C17orf99: variants seen among roughly 807,000 people sequenced by gnomAD.
C17orf99 encodes protein IL-40.
Under a neutral mutation model 22.6 loss-of-function variants are expected in C17orf99, and 18 were observed. The observed-to-expected ratio is 0.80, with a 90% CI of 0.55 to 1.18. The LOEUF (loss-of-function observed/expected upper bound fraction) is 1.18, where lower values mean the gene tolerates loss of function less well. Ranked by LOEUF, C17orf99 falls within the 50% of genes most tolerant of loss-of-function variation. C17orf99 has a pLI of 0.00. For missense variants in C17orf99, 328 were observed against 342.7 expected (o/e 0.96, Z 0.34); for synonymous variants, 147 against 136.6 (o/e 1.08, Z -0.53).
intron 2 of C17orf99, 125 bp from the exon 3 acceptor site, chr17:78,160,830 A>G (rs1486793074): frequency 2.8e-6 from 2 of 725,256 alleles, no homozygotes; most frequent in South Asian, 3.7e-5. Flanking sequence ...TGATCCGTCC[A>G]CCTGGACCTC....
chr17:78,151,273 C>G (rs111446859), intron 2 of C17orf99, among the ~76,000 whole-genome samples: 1 of 151,044 alleles, frequency 6.6e-6, no homozygotes, highest in South Asian at 2.1e-4. Context: ...AAAAATGCAA[C>G]AATCAGCCAG....
In C17orf99 at chr17:78,164,412, C is replaced by T. The variant is rs543919892; in HGVS notation, c.640+48C>T. 2.6e-5 allele frequency: 40 copies of T among 1,550,812 alleles called. No individual in the cohort carries two copies. The South Asian group carries it at 3.9e-4, about 15-fold the overall frequency. ...AGAGGGGCAGCTGGCGCTTCTGTGC[C>T]GGGAGGGTGCTAGTGTCCAAGACAC... On this transcript the variant is annotated intron_variant, in intron 4 of 4. Transcript: ENST00000340363.
chr17:78,146,725 C>T lies in C17orf99; in HGVS notation c.38-154C>T, dbSNP rs1251859272. 2.7e-6 allele frequency: 2 copies of T among 746,526 alleles called. No individual in the cohort carries two copies. The allele number at this position is 746,526 out of a possible 1,614,324, so 46.2% of individuals were successfully genotyped here. ...TTGTGGGGGGAGGGGCGCAAAAGAGCTTTTGTGAGTGATGGTGCCAGCTGA... is the reference window on the plus strand; with the variant it reads ...TTGTGGGGGGAGGGGCGCAAAAGAGTTTTTGTGAGTGATGGTGCCAGCTGA... On this transcript the variant is annotated intron_variant, in intron 1 of 4. Transcript: ENST00000340363. The surrounding 1 kb of genome is among the most constrained non-coding windows in gnomAD (Gnocchi z 5.2).
chr17:78,157,270 C>A (rs2075533279), intron 2 of C17orf99: 3 of 313,680 alleles, frequency 9.6e-6, no homozygotes, highest in Non-Finnish European at 1.8e-5. Context: ...TCAAGAGCAG[C>A]CTGGCCAACA....
At chr17:78,147,020 G>C in intron 2 of C17orf99, 109 bp downstream of exon 2, 1 of 925,750 alleles carries the variant, frequency 1.1e-6, no homozygotes, top group Non-Finnish European at 1.7e-6. Context: ...TAGTGGGGAG[G>C]TGTGTGCTGG....
At chr17:78,158,957 T>C in intron 2 of C17orf99, 1 of 163,706 alleles carries the variant, frequency 6.1e-6, no homozygotes. Flanking sequence ...GTCCCCTGCC[T>C]GTGTCTCTCC....
chr17:78,153,479 C>T (rs1382796958), intron 2 of C17orf99, among the ~76,000 whole-genome samples: 2 of 139,948 alleles, frequency 1.4e-5, no homozygotes, highest in South Asian at 4.5e-4. Flanking sequence ...AGCAAGACTC[C>T]GTCTCAAAAA....
intron 2 of C17orf99, among the ~76,000 whole-genome samples, chr17:78,149,457 A>G (rs2075462074): frequency 6.6e-6 from 1 of 151,946 alleles, no homozygotes; most frequent in African/African-American, 2.4e-5. Context: ...GTGGGAGTGG[A>G]AAGCTGGGTA....
intron 2 of C17orf99, among the ~76,000 whole-genome samples, chr17:78,153,036 G>C (rs1443033458): frequency 6.6e-6 from 1 of 151,900 alleles, no homozygotes; most frequent in African/African-American, 2.4e-5. Flanking sequence ...AATTGAGATC[G>C]TGCCGCTGCA....
intron 3 of C17orf99, among the ~76,000 whole-genome samples, chr17:78,162,060 G>C (rs2075582128): frequency 6.6e-6 from 1 of 151,968 alleles, no homozygotes; most frequent in Admixed American, 6.6e-5. Context: ...AGGATCACTT[G>C]AGCTCAGGAG....
chr17:78,164,713 G>A, intron 4 of C17orf99: 8 of 1,356,988 alleles, frequency 5.9e-6, no homozygotes, highest in Non-Finnish European at 7.7e-6. Context: ...CTGATGGCCT[G>A]AGAGGTCCAA....
intron 2 of C17orf99, among the ~76,000 whole-genome samples, chr17:78,159,436 C>G (rs929654725): frequency 6.6e-6 from 1 of 152,066 alleles, no homozygotes; most frequent in African/African-American, 2.4e-5. Context: ...GTCTCGAGTT[C>G]AAGACCAGTC....
chr17:78,160,531 A>G (rs1201781518), intron 2 of C17orf99, among the ~76,000 whole-genome samples: 2 of 97,866 alleles, frequency 2.0e-5, no homozygotes, highest in Non-Finnish European at 3.9e-5. Flanking sequence ...GCAAGACTCC[A>G]TCTAAAAAAA....
intron 2 of C17orf99, among the ~76,000 whole-genome samples, chr17:78,154,542 C>A (rs1010760197): frequency 1.3e-5 from 2 of 151,596 alleles, no homozygotes; most frequent in African/African-American, 4.8e-5. Flanking sequence ...GGTAAGACTT[C>A]GTCTCAAAAA....
At chr17:78,158,533 G>C (rs2145789489) in intron 2 of C17orf99, 1 of 166,818 alleles carries the variant, frequency 6.0e-6, no homozygotes, top group African/African-American at 2.4e-5. Context: ...CTGACCTCGT[G>C]ATCCACCCGC....
Position 78,161,196 on chromosome 17 carries a change from C to A in C17orf99, c.312C>A (p.Ser104=), listed in dbSNP as rs762949198. ...DLLTYFCWAS[S]TSGAHVDSAR... is the part of the protein sequence containing the mutation. ...TCACCTACTTCTGCTGGGCGTCCTC[C>A]ACCTCAGGTGCCCATGTGGACAGTG... is the stretch of plus-strand genomic sequence containing the variant. The change falls in exon 3 of 5, where the codon TCC becomes TCA. Residue 104 remains serine (S), a synonymous_variant. Transcript: ENST00000340363. 1.3e-6 allele frequency: 2 copies of A among 1,551,778 alleles called. No homozygotes were observed. The highest frequency in any genetic ancestry group is 1.7e-6 in the Non-Finnish European group (2 of 1,146,982).
Position 78,164,371 on chromosome 17 carries a change from G to C in C17orf99, c.640+7G>C, listed in dbSNP as rs1429027732. ...CTCACAGTGGTGCCCCCAGGTGAGA[G>C]GGCCCTTGGATTTCCAGAGGGGCAG... On this transcript the variant is annotated splice_region_variant and intron_variant, in intron 4 of 4. Coordinates refer to ENST00000340363, the MANE Select transcript of C17orf99 (RefSeq NM_001163075.2). 2 of 1,551,342 alleles carry C rather than the reference G, an allele frequency of 1.3e-6. No homozygotes were observed. The highest frequency in any genetic ancestry group is 2.0e-5 in the Admixed American group (1 of 51,010).
rs748070910 is a variant in C17orf99 at position 78,160,871 on chromosome 17, C to T, written c.71-84C>T. On this transcript the variant is annotated intron_variant, in intron 2 of 4. Transcript: ENST00000340363. Reference sequence around the variant, plus strand: ...CACTGGGATTACAGGTGTTTGCCACCGAGCCTGGCCAAACCAGTACCTTCT... The same window carrying T: ...CACTGGGATTACAGGTGTTTGCCACTGAGCCTGGCCAAACCAGTACCTTCT... 29 of 1,178,810 alleles carry T rather than the reference C, an allele frequency of 2.5e-5. 1 individual carries two copies. The highest frequency in any genetic ancestry group is 1.2e-4 in the African/African-American group (8 of 64,612). The allele number at this position is 1,178,810 out of a possible 1,614,324, so 73.0% of individuals were successfully genotyped here.
chr17:78,163,598 G>A (rs2075594284), intron 3 of C17orf99, among the ~76,000 whole-genome samples: 2 of 152,234 alleles, frequency 1.3e-5, no homozygotes, highest in East Asian at 1.9e-4. Flanking sequence ...CGGGCACGGT[G>A]GCTCACGCCT....
Sources: allele counts gnomAD v4.1 joint callset (sites outside exome capture counted in the v4.1 genomes callset), GRCh38; gene constraint gnomAD v4.1.1; non-coding constraint Gnocchi (gnomAD v3.1); transcripts MANE v1.5; gene names NCBI Gene and HGNC (gene_info 2026-07-23, HGNC 2026-07-21).